Variants in TCTN1 observed in about 807,000 individuals in gnomAD.
TCTN1 encodes tectonic-1.
In TCTN1, 58 loss-of-function variants were observed where a neutral mutation model predicts 65.8. That is an observed-to-expected ratio of 0.88 (90% CI 0.71 to 1.10). TCTN1 has a LOEUF of 1.10. Among genes scored for constraint, TCTN1 ranks in the 50% least tolerant of loss-of-function variants. The probability of loss-of-function intolerance (pLI) is 0.00; values close to 1 mark genes in which losing one functional copy is unlikely to be tolerated. For synonymous variants in TCTN1, 273 were observed against 289.1 expected, an observed-to-expected ratio of 0.94 and a Z score of 0.57; for missense variants, 645 against 719.4, an observed-to-expected ratio of 0.90 and a Z score of 1.18.
intron 12 of TCTN1, chr12:110,646,204 C>T (rs1333981416): frequency 6.6e-6 from 1 of 152,190 alleles, no homozygotes; most frequent in African/African-American, 2.4e-5. Context: ...GGCACGAGCA[C>T]CTGCTAAACT....
intron 6 of TCTN1, chr12:110,636,149 C>T: frequency 3.1e-6 from 1 of 319,296 alleles, no homozygotes; most frequent in Non-Finnish European, 6.0e-6. Context: ...ACCAGGAGTG[C>T]AAGAACTGTG....
chr12:110,638,101 G>T (rs1205700228), intron 7 of TCTN1, among the ~76,000 whole-genome samples: 2 of 146,124 alleles, frequency 1.4e-5, no homozygotes, highest in Non-Finnish European at 3.0e-5. Flanking sequence ...AGATGAATGA[G>T]CTGCCCATGG....
At chr12:110,627,307 G>A (rs2065926389) in intron 3 of TCTN1, among the ~76,000 whole-genome samples, 1 of 151,998 alleles carries the variant, frequency 6.6e-6, no homozygotes, top group African/African-American at 2.4e-5. Flanking sequence ...ATGTTGGCGA[G>A]GCTGGTCTCA....
intron 4 of TCTN1, among the ~76,000 whole-genome samples, chr12:110,631,664 T>A (rs1244735521): frequency 6.6e-6 from 1 of 152,132 alleles, no homozygotes; most frequent in Non-Finnish European, 1.5e-5. Flanking sequence ...AGCCAAAATA[T>A]TATTTTCTGT....
At chr12:110,633,229 G>C (rs575181307) in intron 5 of TCTN1, among the ~76,000 whole-genome samples, 1 of 152,248 alleles carries the variant, frequency 6.6e-6, no homozygotes, top group African/African-American at 2.4e-5. Context: ...ATCCCCAAGG[G>C]GCCTCACTAT....
rs766834809 is a variant in TCTN1, at chr12:110,614,343, C to A, written c.161C>A (p.Pro54His). ...GGAACTTTCCCGTCGACCAGGCCCCCCGGGACTCCCAGGGCTCCAGGGCCC... is the reference window on the plus strand; with the variant it reads ...GGAACTTTCCCGTCGACCAGGCCCCACGGGACTCCCAGGGCTCCAGGGCCC... ...TFGTFPSTRP[P>H]GTPRAPGPSS... Residue 54 changes from proline (P) to histidine (H), a missense_variant, in exon 1 of 15, where the codon CCC (proline) becomes CAC (histidine). Transcript: ENST00000397659. 3 of 1,606,818 alleles carry A rather than the reference C, an allele frequency of 1.9e-6. No homozygotes were observed. In the South Asian group the frequency reaches 3.3e-5, roughly 18 times the overall value.
In TCTN1 at chr12:110,626,450, G is replaced by T; in HGVS notation, c.430G>T (p.Asp144Tyr). Residue 144 changes from aspartate to tyrosine, a missense_variant, in exon 3 of 15, where the codon GAC (aspartate) becomes TAC (tyrosine). Coordinates refer to ENST00000397659, the MANE Select transcript of TCTN1 (RefSeq NM_001082538.3). ...ACCTCAAAGAGTATTTGAACTTGTT[G>T]ACCAGATTAATCCATCTATTTTCTG... is the stretch of plus-strand genomic sequence containing the variant. Reference protein sequence around the residue: ...NPPQRVFELVDQINPSIFCIH... With the variant: ...NPPQRVFELVYQINPSIFCIH... 1 of 1,612,174 alleles carries T rather than the reference G, an allele frequency of 6.2e-7. No homozygotes were observed. The highest frequency in any genetic ancestry group is 1.1e-5 in the South Asian group (1 of 90,864).
At position 110,639,884 on chromosome 12, in the gene TCTN1, T is replaced by A. The variant is rs2066836776; in HGVS notation, c.844-499T>A. On this transcript the variant is annotated intron_variant, in intron 7 of 14. Transcript: ENST00000397659. This position sits in a 1 kb window ranked among gnomAD's most constrained non-coding sequence, Gnocchi z 4.9. ...CGATCTACTTTTCGTCTCTATGGGT[T>A]TGCCTATTTGGACATTCCGTATAAA... Among the ~76,000 whole-genome samples the A allele has an allele frequency of 6.6e-6, 1 of 152,230 alleles. No individual in the cohort carries two copies.
At position 110,614,589 on chromosome 12, in the gene TCTN1, A is replaced by G. The variant is rs186077323; in HGVS notation, c.220+187A>G. 2.8e-4 allele frequency: 350 copies of G among 1,238,376 alleles called. 2 individuals are homozygous for G. The African/African-American group carries it at 4.9e-3, about 17-fold the overall frequency. The allele number at this position is 1,238,376 out of a possible 1,614,324, so 76.7% of individuals were successfully genotyped here. ...AGAAGTAGCTGTTACTATCACTGTC[A>G]GGTAAATGAGAAAACCGGGTCTCAG... On this transcript the variant is annotated intron_variant, in intron 1 of 14. Coordinates refer to ENST00000397659, the MANE Select transcript of TCTN1 (RefSeq NM_001082538.3).
Position 110,644,863 on chromosome 12 carries a change from C to T in TCTN1, c.1332-104C>T. ...CTTGGGCATCAGAGTGAGACCTTAT[C>T]TCAAAAATAAATAAACAAAGGGAAG... On this transcript the variant is annotated intron_variant, in intron 11 of 14. Transcript: ENST00000397659. The surrounding 1 kb of genome is among the most constrained non-coding windows in gnomAD (Gnocchi z 4.6). 6.6e-7 allele frequency: 1 copy of T among 1,505,040 alleles called. No homozygotes were observed. 93.2% of individuals were successfully genotyped at this position (1,505,040 alleles called of 1,614,324 possible).
intron 4 of TCTN1, among the ~76,000 whole-genome samples, chr12:110,632,236 A>G (rs1475162060): frequency 6.6e-6 from 1 of 152,216 alleles, no homozygotes; most frequent in Non-Finnish European, 1.5e-5. Flanking sequence ...CTTCCAGAGG[A>G]ATTCCATGAC....
Position 110,644,723 on chromosome 12 carries a change from C to G in TCTN1, c.1332-244C>G. On this transcript the variant is annotated intron_variant, in intron 11 of 14. Transcript: ENST00000397659. The surrounding 1 kb of genome is among the most constrained non-coding windows in gnomAD (Gnocchi z 4.6). ...AAATCAAAACTTAAAAAACAAAAAA[C>G]TGCTGGTGGGCTGGGTGTGGTGGCT... 1 of 553,220 alleles carries G rather than the reference C, an allele frequency of 1.8e-6. No individual in the cohort carries two copies. The highest frequency in any genetic ancestry group is 3.3e-5 in the East Asian group (1 of 30,764). 34.3% of individuals were successfully genotyped at this position (553,220 alleles called of 1,614,324 possible).
Position 110,649,115 on chromosome 12 carries a change from T to C in TCTN1, c.*74T>C, listed in dbSNP as rs2067656223. On this transcript the variant is annotated 3_prime_UTR_variant, in exon 15 of 15. Coordinates refer to ENST00000397659, the MANE Select transcript of TCTN1 (RefSeq NM_001082538.3). ...CTGTACATTCGGTGAGATTAAATTT[T>C]ATATACAACTAGCAATTGTCCAGCT... The C allele has an allele frequency of 1.5e-6, 1 of 652,910 alleles. No individual in the cohort carries two copies. Among genetic ancestry groups the C allele is most frequent in the East Asian group, 3.1e-5 (1 of 32,780 alleles). 40.4% of individuals were successfully genotyped at this position (652,910 alleles called of 1,614,324 possible).
At chr12:110,645,491 TTGC>T in intron 12 of TCTN1, 1 of 337,502 alleles carries the variant, frequency 3.0e-6, no homozygotes. Flanking sequence ...ATCATTGTGA[TTGC>T]TGGTGTCCCC....
At chr12:110,631,000 T>G (rs957077401) in intron 4 of TCTN1, among the ~76,000 whole-genome samples, 1 of 152,192 alleles carries the variant, frequency 6.6e-6, no homozygotes, top group Admixed American at 6.5e-5. Context: ...GGAGTCTTGC[T>G]GTGTCGCCCA....
chr12:110,637,577 G>A (rs945888562), intron 7 of TCTN1, among the ~76,000 whole-genome samples: 1 of 152,246 alleles, frequency 6.6e-6, no homozygotes, highest in African/African-American at 2.4e-5. Context: ...TCTCTAGAGT[G>A]TAACACACAG....
Position 110,640,663 on chromosome 12 carries a change from CTG to C in TCTN1, c.978+148_978+149del. 3 of 1,154,814 alleles carry C rather than the reference CTG, an allele frequency of 2.6e-6. No individual in the cohort carries two copies. Among genetic ancestry groups the C allele is most frequent in the Admixed American group, 3.8e-5 (2 of 52,606 alleles). The allele number at this position is 1,154,814 out of a possible 1,614,324, so 71.5% of individuals were successfully genotyped here. A position where few individuals can be genotyped will look rare whatever the true frequency, so the allele number is the denominator to read the frequency against. On this transcript the variant is annotated intron_variant, in intron 8 of 14. Coordinates refer to ENST00000397659, the MANE Select transcript of TCTN1 (RefSeq NM_001082538.3). This position sits in a 1 kb window ranked among gnomAD's most constrained non-coding sequence, Gnocchi z 4.9. ...GCTCAGCTGCCTGCTTGTCTTTCTG[CTG>C]TCTCATCAAAGGACACCTCTTGTCT...
rs2066447927 is a variant in TCTN1 at position 110,634,725 on chromosome 12, T to G, written c.768T>G (p.Cys256Trp). Reference protein sequence around the residue: ...KCTRKINLEQCEEIEALSMAF... With the variant: ...KCTRKINLEQWEEIEALSMAF... ...CCAGAAAAATAAATTTAGAACAGTG[T>G]GAAGAAATTGAAGCCCTCAGCATGG... Residue 256 changes from cysteine to tryptophan, a missense_variant, in exon 6 of 15, where the codon TGT (cysteine) becomes TGG (tryptophan). Coordinates refer to ENST00000397659, the MANE Select transcript of TCTN1 (RefSeq NM_001082538.3). The G allele has an allele frequency of 3.1e-6, 5 of 1,612,448 alleles. No individual in the cohort carries two copies. In the East Asian group the frequency reaches 1.1e-4, roughly 36 times the overall value.
chr12:110,647,554 T>C (rs2067422630), intron 13 of TCTN1, 195 bp from the exon 14 acceptor site: 3 of 1,022,134 alleles, frequency 2.9e-6, no homozygotes, highest in South Asian at 3.0e-5. Flanking sequence ...ATGAAAATTA[T>C]GATATTCACG....
Sources: allele counts gnomAD v4.1 joint callset (sites outside exome capture counted in the v4.1 genomes callset), GRCh38; gene constraint gnomAD v4.1.1; non-coding constraint Gnocchi (gnomAD v3.1); transcripts MANE v1.5; gene names NCBI Gene and HGNC (gene_info 2026-07-23, HGNC 2026-07-21).